Variants in USP12 observed in about 807,000 individuals in gnomAD.
USP12 encodes ubiquitin specific peptidase 12, also known as ubiquitin carboxyl-terminal hydrolase 12.
A neutral mutation model predicts 45.5 loss-of-function variants in USP12; 19 were observed. The observed-to-expected ratio is 0.42, with a 90% CI of 0.29 to 0.61. The LOEUF (loss-of-function observed/expected upper bound fraction) is 0.61, where lower values mean the gene tolerates loss of function less well. USP12 is among the 20% of genes least tolerant of loss of function. USP12 has a pLI of 0.22. For synonymous variants in USP12, 149 were observed against 148.8 expected, an observed-to-expected ratio of 1.00 and a Z score of -0.01; for missense variants, 242 against 447.7, an observed-to-expected ratio of 0.54 and a Z score of 4.15.
intron 1 of USP12, among the ~76,000 whole-genome samples, chr13:27,137,571 C>G (rs1415665051): frequency 6.6e-6 from 1 of 152,072 alleles, no homozygotes; most frequent in African/African-American, 2.4e-5. Context: ...CAAAAATAAT[C>G]ATAAGTAAGA....
chr13:27,120,204 C>T (rs1435390287), intron 1 of USP12, among the ~76,000 whole-genome samples: 1 of 152,120 alleles, frequency 6.6e-6, no homozygotes, highest in African/African-American at 2.4e-5. Context: ...CACATAATCA[C>T]CCAAAAATTT....
chr13:27,147,027 T>C (rs1473629076), intron 1 of USP12, among the ~76,000 whole-genome samples: 1 of 152,184 alleles, frequency 6.6e-6, no homozygotes, highest in African/African-American at 2.4e-5. Flanking sequence ...CTGGGGCAGA[T>C]CCTTCTCCAG....
intron 1 of USP12, among the ~76,000 whole-genome samples, chr13:27,150,313 T>A (rs1032463921): frequency 1.3e-5 from 2 of 152,024 alleles, no homozygotes; most frequent in African/African-American, 4.8e-5. Context: ...CCATTCACAG[T>A]AGCATTCAAA....
At chr13:27,130,816 A>G (rs931517595) in intron 1 of USP12, among the ~76,000 whole-genome samples, 1 of 152,224 alleles carries the variant, frequency 6.6e-6, no homozygotes, top group Non-Finnish European at 1.5e-5. Context: ...CAGGGATCAA[A>G]TGAGGTCAAA....
intron 1 of USP12, among the ~76,000 whole-genome samples, chr13:27,137,311 T>A (rs1157665495): frequency 2.0e-5 from 3 of 152,180 alleles, no homozygotes; most frequent in African/African-American, 7.2e-5. Context: ...TGATTATACA[T>A]GATAGATGTC....
chr13:27,104,951 T>A (rs1042679297), intron 3 of USP12, among the ~76,000 whole-genome samples: 1 of 152,216 alleles, frequency 6.6e-6, no homozygotes, highest in Admixed American at 6.5e-5. Context: ...TTATCTAAAT[T>A]CCATTTGAAT....
At chr13:27,163,099 C>T (rs1296119254) in intron 1 of USP12, among the ~76,000 whole-genome samples, 1 of 152,084 alleles carries the variant, frequency 6.6e-6, no homozygotes, top group Non-Finnish European at 1.5e-5. Context: ...AAAAAAAATA[C>T]AAGCAAATTT....
At chr13:27,083,753 T>A (rs1873870609) in intron 6 of USP12, among the ~76,000 whole-genome samples, 1 of 152,136 alleles carries the variant, frequency 6.6e-6, no homozygotes, top group Admixed American at 6.5e-5. Context: ...AGATAAAATA[T>A]TATAAAGCAA....
chr13:27,086,182 AAAAAAAAAAAAAAAAATATATATAT>A (rs1403055876), intron 6 of USP12, among the ~76,000 whole-genome samples: 1 of 40,958 alleles, frequency 2.4e-5, no homozygotes, highest in Non-Finnish European at 4.6e-5. Flanking sequence ...TTTAAAAAAA[AAAAAAAAAAAAAAAAATATATATAT>A]ATATATATAT....
intron 3 of USP12, among the ~76,000 whole-genome samples, chr13:27,103,777 G>C (rs1395324571): frequency 1.4e-5 from 2 of 146,796 alleles, no homozygotes; most frequent in Non-Finnish European, 3.0e-5. Flanking sequence ...GAGAGACAGA[G>C]AGAGAAAGAG....
chr13:27,115,417 A>G (rs369845631), intron 2 of USP12, among the ~76,000 whole-genome samples: 143 of 152,302 alleles, frequency 9.4e-4, no homozygotes, highest in African/African-American at 3.4e-3. Flanking sequence ...CACACACATC[A>G]CTTCAACCGC....
intron 3 of USP12, among the ~76,000 whole-genome samples, chr13:27,097,482 A>C (rs1290131738): frequency 1.3e-5 from 2 of 152,192 alleles, no homozygotes; most frequent in Non-Finnish European, 2.9e-5. Flanking sequence ...AACAACAACA[A>C]AACAGAATAC....
chr13:27,167,255 T>G (rs1436733624), intron 1 of USP12, among the ~76,000 whole-genome samples: 1 of 151,312 alleles, frequency 6.6e-6, no homozygotes, highest in Non-Finnish European at 1.5e-5. Context: ...AGAGTGAAAC[T>G]CCGTCTCAAA....
rs1335426020 is a variant in USP12 at position 27,171,765 on chromosome 13, G to A, written c.-126C>T. On this transcript the variant is annotated 5_prime_UTR_variant, in exon 1 of 9. Transcript: ENST00000282344. Reference sequence around the variant, plus strand: ...GAGCCGCCGCGGACCCAACCACCGAGCCCGCTGGGCCGCCGCTGCCGTCGT... The same window carrying A: ...GAGCCGCCGCGGACCCAACCACCGAACCCGCTGGGCCGCCGCTGCCGTCGT... The A allele has an allele frequency of 2.5e-6, 1 of 402,534 alleles. No homozygotes were observed. The highest frequency in any genetic ancestry group is 3.4e-6 in the Non-Finnish European group (1 of 292,572). The allele number at this position is 402,534 out of a possible 1,614,324, so 24.9% of individuals were successfully genotyped here.
At chr13:27,158,619 G>T (rs1877951545) in intron 1 of USP12, among the ~76,000 whole-genome samples, 1 of 152,152 alleles carries the variant, frequency 6.6e-6, no homozygotes, top group African/African-American at 2.4e-5. Context: ...GTAGGTAACT[G>T]TAACACAATG....
chr13:27,123,763 T>G (rs763450730), intron 1 of USP12, among the ~76,000 whole-genome samples: 1 of 152,228 alleles, frequency 6.6e-6, no homozygotes, highest in Non-Finnish European at 1.5e-5. Context: ...TCCCCAGCCA[T>G]GTGGAAATGA....
chr13:27,140,136 GT>G (rs566743805), intron 1 of USP12, among the ~76,000 whole-genome samples: 10 of 150,314 alleles, frequency 6.7e-5, no homozygotes, highest in African/African-American at 9.9e-5. Context: ...CCCCAAAATA[GT>G]TTTTTTTCCC....
intron 2 of USP12, among the ~76,000 whole-genome samples, chr13:27,106,157 A>G (rs1352312985): frequency 6.6e-6 from 1 of 152,138 alleles, no homozygotes; most frequent in East Asian, 1.9e-4. Context: ...TCTTAGGTAC[A>G]TCCAAATTAA....
intron 1 of USP12, 150 bp from the exon 2 acceptor site, chr13:27,116,746 T>C (rs1017047644): frequency 3.5e-6 from 2 of 573,034 alleles, no homozygotes; most frequent in Non-Finnish European, 5.9e-6. Flanking sequence ...TTACACCGTA[T>C]TTTTAGCTGT....
Sources: gnomAD v4.1 joint callset for allele counts (sites outside exome capture counted in the v4.1 genomes callset) on GRCh38, gnomAD v4.1.1 for gene constraint, MANE v1.5 for transcripts, NCBI Gene and HGNC (gene_info 2026-07-23, HGNC 2026-07-21) for gene names.